Variants in OAS3 observed in about 807,000 individuals in gnomAD.
OAS3 encodes 2'-5'-oligoadenylate synthetase 3.
Under a neutral mutation model 113.0 loss-of-function variants are expected in OAS3, and 107 were observed. That is an observed-to-expected ratio of 0.95 (90% CI 0.81 to 1.11). OAS3 has a LOEUF of 1.11. OAS3 is among the 50% of genes most tolerant of loss of function. The pLI is 0.00. For missense variants in OAS3, 1,258 were observed against 1,389.1 expected, an observed-to-expected ratio of 0.91 and a Z score of 1.50; for synonymous variants, 552 against 573.6, an observed-to-expected ratio of 0.96 and a Z score of 0.54.
At chr12:112,939,248 C>T (rs1451307806) in intron 1 of OAS3, among the ~76,000 whole-genome samples, 3 of 148,992 alleles carry the variant, frequency 2.0e-5, no homozygotes, top group Non-Finnish European at 4.5e-5. Flanking sequence ...TATTATTGTA[C>T]CTGTTTTATG....
In OAS3 at chr12:112,962,683, C is replaced by A; in HGVS notation, c.1865C>A (p.Ala622Asp). The A allele has an allele frequency of 6.2e-7, 1 of 1,614,030 alleles. No homozygotes were observed. The highest frequency in any genetic ancestry group is 1.3e-5 in the African/African-American group (1 of 75,052). Residue 622 changes from alanine to aspartate, a missense_variant, in exon 9 of 16, where the codon GCC (alanine) becomes GAC (aspartate). Physicochemically the swap from Ala to Asp is moderately radical, Grantham distance 126 (BLOSUM62 -2). Coordinates refer to ENST00000228928, the MANE Select transcript of OAS3 (RefSeq NM_006187.4). ...VAAQNKGKGP[A>D]PASLPPAYAL... ...GCTCAGAACAAAGGAAAAGGACCAGCCCCTGCCTCTCTGCCCCCAGCCTAT... is the reference window on the plus strand; with the variant it reads ...GCTCAGAACAAAGGAAAAGGACCAGACCCTGCCTCTCTGCCCCCAGCCTAT...
chr12:112,959,407 G>C (rs1443068331), intron 7 of OAS3, among the ~76,000 whole-genome samples: 1 of 152,174 alleles, frequency 6.6e-6, no homozygotes, highest in African/African-American at 2.4e-5. Flanking sequence ...TGGAAATGCA[G>C]AAATCACCCA....
At chr12:112,962,184 A>G (rs1233069344) in intron 8 of OAS3, among the ~76,000 whole-genome samples, 1 of 152,214 alleles carries the variant, frequency 6.6e-6, no homozygotes, top group African/African-American at 2.4e-5. Flanking sequence ...ACTTGTATTC[A>G]TGCATCCCTA....
chr12:112,941,726 C>A lies in OAS3; in HGVS notation c.334C>A (p.Pro112Thr). ...RASLESWWQNPVPGLRLTFPE... is the reference protein window; with the variant it reads ...RASLESWWQNTVPGLRLTFPE... The stretch of plus-strand genomic sequence containing the variant: ...ATCGCTGGAATCCTGGTGGCAGAAC[C>A]CAGTCCCTGGTCTGAGACTCACGTT... Residue 112 changes from proline (P) to threonine (T), a missense_variant, in exon 2 of 16, where the codon CCA (proline) becomes ACA (threonine). Coordinates refer to ENST00000228928, the MANE Select transcript of OAS3 (RefSeq NM_006187.4). 1 of 1,614,054 alleles carries A rather than the reference C, an allele frequency of 6.2e-7. No homozygotes were observed. Among genetic ancestry groups the A allele is most frequent in the East Asian group, 2.2e-5 (1 of 44,894 alleles).
chr12:112,952,808 T>C (rs1222113270), intron 7 of OAS3, among the ~76,000 whole-genome samples: 1 of 152,242 alleles, frequency 6.6e-6, no homozygotes, highest in Admixed American at 6.5e-5. Flanking sequence ...TTGTTGCTGA[T>C]GAGAAGTCTC....
chr12:112,944,470 C>A lies in OAS3; in HGVS notation c.461-6C>A, dbSNP rs749689900. ...CTCCCTAACTCACAGCGCTTCACAC[C>A]AACAGGTCAGGCCGGCTCCGGCGTC... On this transcript the variant is annotated splice_region_variant and splice_polypyrimidine_tract_variant and intron_variant, in intron 2 of 15. Transcript: ENST00000228928. The A allele has an allele frequency of 1.2e-6, 2 of 1,613,950 alleles. No homozygotes were observed. Among genetic ancestry groups the A allele is most frequent in the Admixed American group, 1.7e-5 (1 of 60,024 alleles).
At chr12:112,948,329 C>T (rs1296933211) in intron 5 of OAS3, among the ~76,000 whole-genome samples, 4 of 151,920 alleles carry the variant, frequency 2.6e-5, no homozygotes, top group African/African-American at 9.7e-5. Flanking sequence ...ATGGTGAAAC[C>T]TTGTCTCTAC....
Position 112,970,322 on chromosome 12 carries a change from C to T in OAS3, c.*349C>T. The T allele has an allele frequency of 5.4e-6, 2 of 368,874 alleles. No individual in the cohort carries two copies. The highest frequency in any genetic ancestry group is 5.6e-5 in the East Asian group (1 of 17,744). The allele number at this position is 368,874 out of a possible 1,614,324, so 22.9% of individuals were successfully genotyped here. On this transcript the variant is annotated 3_prime_UTR_variant, in exon 16 of 16. Coordinates refer to ENST00000228928, the MANE Select transcript of OAS3 (RefSeq NM_006187.4). ...CCCCTCCTCCCTGACTCCTCTCTGC[C>T]CATGCAAATTAGCTCACATCTTTCC...
chr12:112,946,812 G>T lies in OAS3; in HGVS notation c.706G>T (p.Ala236Ser), dbSNP rs376430790. Reference sequence around the variant, plus strand: ...TGCCCTGGAATTGCTGACCATCTTCGCCTGGGAGCAGGGCTGTAAGAAGGA... The same window carrying T: ...TGCCCTGGAATTGCTGACCATCTTCTCCTGGGAGCAGGGCTGTAAGAAGGA... The part of the protein sequence containing the change: ...VYALELLTIF[A>S]WEQGCKKDAF... The change falls in exon 4 of 16, where the codon GCC becomes TCC. Residue 236 changes from alanine (A) to serine (S), a missense_variant. Coordinates refer to ENST00000228928, the MANE Select transcript of OAS3 (RefSeq NM_006187.4). The T allele has an allele frequency of 5.0e-6, 8 of 1,613,692 alleles. No homozygotes were observed. Among genetic ancestry groups the T allele is most frequent in the Non-Finnish European group, 6.8e-6 (8 of 1,179,796 alleles).
At position 112,950,925 on chromosome 12, in the gene OAS3, C is replaced by T; in HGVS notation, c.1607C>T (p.Ala536Val). The change falls in exon 7 of 16, where the codon GCC becomes GTC. Residue 536 changes from alanine to valine, a missense_variant. Coordinates refer to ENST00000228928, the MANE Select transcript of OAS3 (RefSeq NM_006187.4). ...CTGCAGTTCCAGCTGGTGTCCACAG[C>T]CCTGAAGAGCTGGACGGATGTTAGC... is the stretch of plus-strand genomic sequence containing the variant. ...EALQFQLVST[A>V]LKSWTDVSLL... is the part of the protein sequence containing the mutation. The T allele has an allele frequency of 1.2e-6, 2 of 1,613,970 alleles. No individual in the cohort carries two copies. The highest frequency in any genetic ancestry group is 1.7e-6 in the Non-Finnish European group (2 of 1,179,894).
intron 2 of OAS3, among the ~76,000 whole-genome samples, chr12:112,943,915 A>T (rs2043703630): frequency 6.6e-6 from 1 of 151,760 alleles, no homozygotes; most frequent in South Asian, 2.1e-4. Context: ...CTGGTCTCGA[A>T]CTCCTGACCT....
chr12:112,948,974 C>G lies in OAS3; in HGVS notation c.1143C>G (p.Ser381Arg), dbSNP rs2285933. 433,233 of 1,613,496 alleles carry G rather than the reference C, an allele frequency of 0.27. 59,994 individuals are homozygous for G. The highest frequency in any genetic ancestry group is 0.39 in the African/African-American group (29,528 of 74,948). The change falls in exon 6 of 16, where the codon AGC becomes AGG. Residue 381 changes from serine (S) to arginine (R), a missense_variant. By Grantham distance (110) the Ser-to-Arg change is moderately radical (BLOSUM62 -1). Coordinates refer to ENST00000228928, the MANE Select transcript of OAS3 (RefSeq NM_006187.4). ...SLNAVYPRAG[S>R]KPPSCPAPGP... Reference sequence around the variant, plus strand: ...ATGCTGTGTACCCAAGAGCAGGGAGCAAACCTCCCTCATGCCCAGCTCCTG... The same window carrying G: ...ATGCTGTGTACCCAAGAGCAGGGAGGAAACCTCCCTCATGCCCAGCTCCTG...
At chr12:112,962,238 G>A (rs186135796) in intron 8 of OAS3, among the ~76,000 whole-genome samples, 5 of 152,296 alleles carry the variant, frequency 3.3e-5, no homozygotes, top group Non-Finnish European at 7.3e-5. Flanking sequence ...TCTAACTTGT[G>A]ATGGACACTG....
rs996172918 is a variant in OAS3 at position 112,944,523 on chromosome 12, C to G, written c.508C>G (p.Leu170Val). ...ACCCAAGCCACAAGTCTACTCTACC[C>G]TCCTCAACAGTGGCTGCCAAGGGGG... is the stretch of plus-strand genomic sequence containing the variant. ...VKPKPQVYSTLLNSGCQGGEH... is the reference protein window; with the variant it reads ...VKPKPQVYSTVLNSGCQGGEH... The change falls in exon 3 of 16, where the codon CTC (leucine) becomes GTC (valine). Residue 170 changes from leucine to valine, a missense_variant. By Grantham distance (32) the Leu-to-Val change is conservative. Transcript: ENST00000228928. 1.9e-5 allele frequency: 30 copies of G among 1,613,954 alleles called. No homozygotes were observed. The highest frequency in any genetic ancestry group is 2.4e-5 in the Non-Finnish European group (28 of 1,179,902).
At chr12:112,957,823 G>C (rs368767617) in intron 7 of OAS3, among the ~76,000 whole-genome samples, 2 of 152,026 alleles carry the variant, frequency 1.3e-5, no homozygotes, top group South Asian at 2.1e-4. Context: ...CTTGGAGTTG[G>C]TCTTCTCGAG....
At chr12:112,939,505 G>A (rs2043660789) in intron 1 of OAS3, among the ~76,000 whole-genome samples, 1 of 152,016 alleles carries the variant, frequency 6.6e-6, no homozygotes, top group Non-Finnish European at 1.5e-5. Flanking sequence ...ATTTTTTGTA[G>A]AGATAGAGTT....
rs1365150342 is a variant in OAS3 at position 112,950,919 on chromosome 12, C to A, written c.1601C>A (p.Ser534Tyr). ...VPEALQFQLV[S>Y]TALKSWTDVS... Reference sequence around the variant, plus strand: ...GAGGCTCTGCAGTTCCAGCTGGTGTCCACAGCCCTGAAGAGCTGGACGGAT... The same window carrying A: ...GAGGCTCTGCAGTTCCAGCTGGTGTACACAGCCCTGAAGAGCTGGACGGAT... Residue 534 changes from serine to tyrosine, a missense_variant, in exon 7 of 16, where the codon TCC (serine) becomes TAC (tyrosine). Ser to Tyr is a moderately radical substitution (Grantham distance 144). Coordinates refer to ENST00000228928, the MANE Select transcript of OAS3 (RefSeq NM_006187.4). 6.2e-7 allele frequency: 1 copy of A among 1,613,996 alleles called. No individual in the cohort carries two copies. Among genetic ancestry groups the A allele is most frequent in the Admixed American group, 1.7e-5 (1 of 60,030 alleles).
chr12:112,963,305 GC>G lies in OAS3; in HGVS notation c.2085-3del. 1.3e-6 allele frequency: 2 copies of G among 1,563,994 alleles called. No homozygotes were observed. The highest frequency in any genetic ancestry group is 1.7e-6 in the Non-Finnish European group (2 of 1,152,586). On this transcript the variant is annotated splice_polypyrimidine_tract_variant and splice_region_variant and intron_variant, in intron 9 of 15. Transcript: ENST00000228928. This position sits in a 1 kb window ranked among gnomAD's most constrained non-coding sequence, Gnocchi z 4.6. ...CCTTCCCCACCCACCTTCCTGCTGTGCCCCCAGACCCCTGGTCCTGGACCCC... is the reference window on the plus strand; with the variant it reads ...CCTTCCCCACCCACCTTCCTGCTGTGCCCCAGACCCCTGGTCCTGGACCCC...
intron 8 of OAS3, among the ~76,000 whole-genome samples, 199 bp downstream of exon 8, chr12:112,961,445 A>G (rs370509563): frequency 4.6e-5 from 7 of 152,320 alleles, no homozygotes; most frequent in Middle Eastern, 3.4e-3. Context: ...TTCTCCATCA[A>G]GTCTAAAGTC....
Sources: gnomAD v4.1 joint callset for allele counts (sites outside exome capture counted in the v4.1 genomes callset) on GRCh38, gnomAD v4.1.1 for gene constraint, Gnocchi (gnomAD v3.1) non-coding constraint, MANE v1.5 for transcripts, NCBI Gene and HGNC (gene_info 2026-07-23, HGNC 2026-07-21) for gene names.